ARHGAP26: variants seen among roughly 807,000 people sequenced by gnomAD.
ARHGAP26 encodes rho GTPase-activating protein 26.
ARHGAP26 carries 38 observed loss-of-function variants against 104.8 expected under a neutral mutation model. The observed-to-expected ratio is 0.36, with a 90% CI of 0.28 to 0.48. ARHGAP26 has a LOEUF of 0.48. Among genes scored for constraint, ARHGAP26 ranks in the 20% least tolerant of loss-of-function variants. The pLI, the probability that ARHGAP26 is intolerant of heterozygous loss-of-function variation, is 0.99. For missense variants in ARHGAP26, 704 were observed against 947.9 expected (o/e 0.74, Z 3.38); for synonymous variants, 341 against 340.0 (o/e 1.00, Z -0.03).
In ARHGAP26 at chr5:143,172,229, CTGGT is replaced by C. The variant is rs1179402335; in HGVS notation, c.1988+24849_1988+24852del. Reference sequence around the variant, plus strand: ...CAGTTGGGTGACATGTGCCAGGTATCTGGTGGCAACTGTCCTCTGAGCATGGTTG... The same window carrying C: ...CAGTTGGGTGACATGTGCCAGGTATCGGCAACTGTCCTCTGAGCATGGTTG... On this transcript the variant is annotated intron_variant, in intron 20 of 22. Transcript: ENST00000645722. Among the ~76,000 whole-genome samples, 10 of 152,134 alleles carry C rather than the reference CTGGT, an allele frequency of 6.6e-5. No individual in the cohort carries two copies. The South Asian group carries it at 2.1e-3, about 32-fold the overall frequency.
chr5:142,818,742 T>G (rs1214863938), intron 1 of ARHGAP26, among the ~76,000 whole-genome samples: 1 of 152,144 alleles, frequency 6.6e-6, no homozygotes, highest in Non-Finnish European at 1.5e-5. Context: ...ACATACACAG[T>G]AACTGTAAGC....
chr5:143,044,625 A>G (rs1215416417), intron 14 of ARHGAP26, among the ~76,000 whole-genome samples: 1 of 152,212 alleles, frequency 6.6e-6, no homozygotes, highest in Non-Finnish European at 1.5e-5. Context: ...CCTGAAACCC[A>G]GTGGACTGAG....
At position 142,902,029 on chromosome 5, in the gene ARHGAP26, G is replaced by A. The variant is rs764237489; in HGVS notation, c.692G>A (p.Ser231Asn). 2 of 1,613,454 alleles carry A rather than the reference G, an allele frequency of 1.2e-6. No individual in the cohort carries two copies. Among genetic ancestry groups the A allele is most frequent in the African/African-American group, 1.3e-5 (1 of 74,886 alleles). ...GACTTCAAGACACAGTTAACCATTAGCATACAGAACGTGAGTGGGCATAGG... is the reference window on the plus strand; with the variant it reads ...GACTTCAAGACACAGTTAACCATTAACATACAGAACGTGAGTGGGCATAGG... ...FGDFKTQLTI[S>N]IQNTRNRFEG... is the part of the protein sequence containing the mutation. Residue 231 changes from serine to asparagine, a missense_variant, in exon 7 of 23, where the codon AGC becomes AAC. By Grantham distance (46) the Ser-to-Asn change is conservative. This residue lies in a region of ARHGAP26 where 287 missense variants were observed against 438.8 expected (regional missense o/e 0.65). Coordinates refer to ENST00000645722, the MANE Select transcript of ARHGAP26 (RefSeq NM_001135608.3).
intron 1 of ARHGAP26, among the ~76,000 whole-genome samples, chr5:142,777,143 T>G (rs1440888941): frequency 1.3e-5 from 2 of 152,234 alleles, no homozygotes; most frequent in Non-Finnish European, 2.9e-5. Flanking sequence ...TGAACAGCAC[T>G]TAGTATATTT....
intron 11 of ARHGAP26, among the ~76,000 whole-genome samples, chr5:142,966,439 A>G (rs1307822640): frequency 6.6e-6 from 1 of 152,154 alleles, no homozygotes; most frequent in African/African-American, 2.4e-5. Context: ...CTATTCTGTA[A>G]AAGTATGTGT....
chr5:143,199,740 A>T (rs940540193), intron 20 of ARHGAP26, among the ~76,000 whole-genome samples: 1 of 152,178 alleles, frequency 6.6e-6, no homozygotes, highest in African/African-American at 2.4e-5. Flanking sequence ...ATCATGGGCC[A>T]CTGCCTGGCA....
intron 19 of ARHGAP26, among the ~76,000 whole-genome samples, chr5:143,134,780 A>G (rs1797734337): frequency 6.6e-6 from 1 of 152,208 alleles, no homozygotes; most frequent in South Asian, 2.1e-4. Context: ...GCTCTAAGAG[A>G]GCCTCCATTT....
intron 17 of ARHGAP26, among the ~76,000 whole-genome samples, chr5:143,088,911 T>A (rs1053448012): frequency 1.3e-5 from 2 of 151,886 alleles, no homozygotes; most frequent in East Asian, 1.9e-4. Context: ...TCGGAATGAG[T>A]CAGGGGGTAG....
rs531354768 is a variant in ARHGAP26 at position 143,050,761 on chromosome 5, T to C, written c.1286-3678T>C. ...CCAGTGAAGGGTAGCAGACAAAAGATGACAGGACCAGAAGATGATAGACTA... is the reference window on the plus strand; with the variant it reads ...CCAGTGAAGGGTAGCAGACAAAAGACGACAGGACCAGAAGATGATAGACTA... On this transcript the variant is annotated intron_variant, in intron 14 of 22. Transcript: ENST00000645722. Among the ~76,000 whole-genome samples the C allele has an allele frequency of 2.0e-5, 3 of 152,306 alleles. No homozygotes were observed. In the East Asian group the frequency reaches 5.8e-4, roughly 29 times the overall value.
intron 20 of ARHGAP26, among the ~76,000 whole-genome samples, chr5:143,171,976 G>A (rs1802839915): frequency 1.3e-5 from 2 of 152,078 alleles, no homozygotes; most frequent in South Asian, 4.1e-4. Context: ...TTAAGGGTTA[G>A]ACTGGTTTCA....
chr5:143,109,068 A>G (rs1000489063), intron 17 of ARHGAP26, among the ~76,000 whole-genome samples: 1 of 152,246 alleles, frequency 6.6e-6, no homozygotes, highest in Non-Finnish European at 1.5e-5. Context: ...TTAACTAATT[A>G]AAGATTGTTA....
At position 142,890,148 on chromosome 5, in the gene ARHGAP26, AAAAATATATATATATATATATATAT is replaced by A. The variant is rs1217138012; in HGVS notation, c.487-4088_487-4064del. Among the ~76,000 whole-genome samples, 288 of 83,272 alleles carry A rather than the reference AAAAATATATATATATATATATATAT, an allele frequency of 3.5e-3. 16 individuals are homozygous for A. Among genetic ancestry groups the A allele is most frequent in the African/African-American group, 0.015 (270 of 18,128 alleles). 54.6% of individuals were successfully genotyped at this position (83,272 alleles called of 152,430 possible). On this transcript the variant is annotated intron_variant, in intron 5 of 22. Coordinates refer to ENST00000645722, the MANE Select transcript of ARHGAP26 (RefSeq NM_001135608.3). ...CGAAACTCCGTCTTAAAAAAAAAAA[AAAAATATATATATATATATATATAT>A]ATATATATATATATATATATATATG...
intron 17 of ARHGAP26, among the ~76,000 whole-genome samples, chr5:143,103,877 G>C (rs1793623976): frequency 6.6e-6 from 1 of 152,038 alleles, no homozygotes; most frequent in South Asian, 2.1e-4. Flanking sequence ...AACGACCATG[G>C]CACATGTATA....
chr5:143,117,953 C>T (rs1795690826), intron 17 of ARHGAP26, among the ~76,000 whole-genome samples: 1 of 152,222 alleles, frequency 6.6e-6, no homozygotes, highest in Admixed American at 6.5e-5. Context: ...GTGTGCTTAG[C>T]ACTGGTGCTA....
At chr5:143,157,241 A>G (rs1800592682) in intron 20 of ARHGAP26, among the ~76,000 whole-genome samples, 1 of 150,280 alleles carries the variant, frequency 6.7e-6, no homozygotes, top group East Asian at 2.0e-4. Flanking sequence ...CAGTGGTGTA[A>G]TCTTAGCCCA....
intron 1 of ARHGAP26, among the ~76,000 whole-genome samples, chr5:142,851,157 C>T (rs1751436605): frequency 6.7e-6 from 1 of 150,192 alleles, no homozygotes; most frequent in Non-Finnish European, 1.5e-5. Context: ...GAGTGCAGTG[C>T]ATGATCTCGG....
intron 22 of ARHGAP26, chr5:143,216,586 C>T (rs1421352411): frequency 2.6e-5 from 8 of 304,868 alleles, no homozygotes; most frequent in Non-Finnish European, 3.3e-5. Flanking sequence ...ACAACATGGT[C>T]GTCATCATAA....
At chr5:143,034,137 A>G (rs192079529) in intron 12 of ARHGAP26, among the ~76,000 whole-genome samples, 57 of 152,348 alleles carry the variant, frequency 3.7e-4, no homozygotes, top group African/African-American at 1.2e-3. Context: ...GAACCCTCGT[A>G]CATTGCGGGT....
intron 10 of ARHGAP26, among the ~76,000 whole-genome samples, chr5:142,916,167 T>G (rs975061548): frequency 5.9e-5 from 9 of 152,236 alleles, no homozygotes; most frequent in African/African-American, 2.2e-4. Context: ...ATGTAGTGAC[T>G]AGAAATGTTT....
Sources: allele counts gnomAD v4.1 joint callset (sites outside exome capture counted in the v4.1 genomes callset), GRCh38; gene constraint gnomAD v4.1.1; regional missense constraint gnomAD v4.1.1; transcripts MANE v1.5; gene names NCBI Gene and HGNC (gene_info 2026-07-23, HGNC 2026-07-21).